GSG1L: variants seen among roughly 807,000 people sequenced by gnomAD.
GSG1L encodes the protein GSG1 like, also known as germ cell-specific gene 1-like protein.
A neutral mutation model predicts 42.1 loss-of-function variants in GSG1L; 24 were observed. The observed-to-expected ratio is 0.57, with a 90% CI of 0.41 to 0.80. The LOEUF is 0.80. Among genes scored for constraint, GSG1L ranks in the 30% least tolerant of loss-of-function variants. The probability of loss-of-function intolerance (pLI) is 0.00; values close to 1 mark genes in which losing one functional copy is unlikely to be tolerated. For synonymous variants in GSG1L, 215 were observed against 203.5 expected, an observed-to-expected ratio of 1.06 and a Z score of -0.48; for missense variants, 445 against 472.2, an observed-to-expected ratio of 0.94 and a Z score of 0.53.
At position 27,856,157 on chromosome 16, in the gene GSG1L, A is replaced by AC. The variant is rs148185745; in HGVS notation, c.551-11097dup. Among the ~76,000 whole-genome samples the AC allele has an allele frequency of 5.0e-3, 736 of 148,508 alleles. 5 individuals carry two copies. Among genetic ancestry groups the AC allele is most frequent in the East Asian group, 0.019 (95 of 5,070 alleles). ...GATCTACCAGATGCCAGGAATGTGC[A>AC]CCCCCCCCCATCCCCACATACCCCA... is the stretch of plus-strand genomic sequence containing the variant. On this transcript the variant is annotated intron_variant, in intron 3 of 6. Transcript: ENST00000447459.
chr16:27,823,516 C>T (rs2083171811), intron 5 of GSG1L, among the ~76,000 whole-genome samples: 2 of 152,050 alleles, frequency 1.3e-5, no homozygotes, highest in South Asian at 2.1e-4. Context: ...CATCAGCCCC[C>T]GCAGGGCACT....
intron 1 of GSG1L, among the ~76,000 whole-genome samples, chr16:28,034,703 G>T (rs1008925261): frequency 2.0e-5 from 3 of 152,142 alleles, no homozygotes; most frequent in African/African-American, 7.2e-5. Flanking sequence ...TGGACATTCA[G>T]GGCTGGATCA....
chr16:28,001,560 C>A (rs991939715), intron 1 of GSG1L, among the ~76,000 whole-genome samples: 1 of 152,200 alleles, frequency 6.6e-6, no homozygotes, highest in African/African-American at 2.4e-5. Context: ...TTCACCCACA[C>A]GTGAAATCGT....
chr16:27,958,797 C>T (rs1184136412), intron 2 of GSG1L, among the ~76,000 whole-genome samples: 2 of 152,116 alleles, frequency 1.3e-5, no homozygotes, highest in East Asian at 3.9e-4. Context: ...GCCTCAGCCT[C>T]CCAAGTAGCT....
chr16:27,946,567 AAGAAAGAAAGAAAGAGAGAGAGAGAG>A (rs1567529668), intron 2 of GSG1L, among the ~76,000 whole-genome samples: 2 of 9,830 alleles, frequency 2.0e-4, no homozygotes, highest in African/African-American at 4.7e-4. Flanking sequence ...GAAAGAAAGA[AAGAAAGAAAGAAAGAGAGAGAGAGAG>A]AGAGAGAGAG....
intron 5 of GSG1L, among the ~76,000 whole-genome samples, chr16:27,817,708 AAATG>A (rs2083112035): frequency 6.6e-6 from 1 of 152,228 alleles, no homozygotes. Context: ...TAAAAAATGA[AAATG>A]AAATGAAAAA....
At chr16:27,848,409 AC>A (rs1298016144) in intron 3 of GSG1L, among the ~76,000 whole-genome samples, 2 of 152,208 alleles carry the variant, frequency 1.3e-5, no homozygotes, top group South Asian at 2.1e-4. Context: ...ATGAGCTAGG[AC>A]AGGACCAGAC....
chr16:27,949,145 G>T (rs548943360), intron 2 of GSG1L, among the ~76,000 whole-genome samples: 25 of 150,896 alleles, frequency 1.7e-4, no homozygotes, highest in Non-Finnish European at 3.2e-4. Context: ...TCTAACTCCG[G>T]GGCTCAAGCA....
At position 27,925,368 on chromosome 16, in the gene GSG1L, G is replaced by A. The variant is rs150126268; in HGVS notation, c.397+37788C>T. On this transcript the variant is annotated intron_variant, in intron 2 of 6. Transcript: ENST00000447459. ...TTTTCCAGGAAGAATGAGTGTCCCCGGAAGGCTGTGGTGTCAGGTGGTGGG... is the reference window on the plus strand; with the variant it reads ...TTTTCCAGGAAGAATGAGTGTCCCCAGAAGGCTGTGGTGTCAGGTGGTGGG... 2.6e-3 allele frequency among the ~76,000 whole-genome samples: 396 copies of A among 152,200 alleles called. 2 individuals are homozygous for A. The highest frequency in any genetic ancestry group is 4.1e-3 in the Non-Finnish European group (281 of 68,006).
At chr16:28,055,879 C>G (rs1242908244) in intron 1 of GSG1L, among the ~76,000 whole-genome samples, 1 of 152,154 alleles carries the variant, frequency 6.6e-6, no homozygotes, top group African/African-American at 2.4e-5. Flanking sequence ...TTGCAGCATC[C>G]TCACAAGACA....
intron 1 of GSG1L, among the ~76,000 whole-genome samples, chr16:28,031,565 G>A (rs2085964387): frequency 6.6e-6 from 1 of 152,148 alleles, no homozygotes; most frequent in African/African-American, 2.4e-5. Flanking sequence ...CCAAAGCAGG[G>A]TGTCCAAGAG....
chr16:28,063,223 C>T lies in GSG1L; in HGVS notation c.202G>A (p.Ala68Thr). The change falls in exon 1 of 7, where the codon GCC becomes ACC. Residue 68 changes from alanine (A) to threonine (T), a missense_variant. Physicochemically the swap from Ala to Thr is moderately conservative, Grantham distance 58. Coordinates refer to ENST00000447459, the MANE Select transcript of GSG1L (RefSeq NM_001109763.2). This position sits in a 1 kb window ranked among gnomAD's most constrained non-coding sequence, Gnocchi z 5.8. ...GCGGTGGCGGCGGCGGCGGCGGCGG[C>T]GGGGGCGGCGGTGCCGTTGGCCGTG... ...NATANGTAAP[A>T]AAAAAATASG... 8.1e-7 allele frequency: 1 copy of T among 1,241,054 alleles called. No individual in the cohort carries two copies. Among genetic ancestry groups the T allele is most frequent in the South Asian group, 3.1e-5 (1 of 31,882 alleles). 76.9% of individuals were successfully genotyped at this position (1,241,054 alleles called of 1,614,324 possible). A position where few individuals can be genotyped will look rare whatever the true frequency, so the allele number is the denominator to read the frequency against.
chr16:27,898,296 T>C (rs969697450), intron 2 of GSG1L, among the ~76,000 whole-genome samples: 1 of 152,118 alleles, frequency 6.6e-6, no homozygotes, highest in Non-Finnish European at 1.5e-5. Flanking sequence ...AGGAACCTGG[T>C]GGGAAGAACT....
chr16:27,821,001 C>T (rs2140957663), intron 5 of GSG1L, among the ~76,000 whole-genome samples: 1 of 152,300 alleles, frequency 6.6e-6, no homozygotes, highest in East Asian at 1.9e-4. Flanking sequence ...TCCTCACCCA[C>T]TGCCGATCTG....
intron 1 of GSG1L, among the ~76,000 whole-genome samples, chr16:28,005,852 TA>T (rs750808694): frequency 1.4e-4 from 22 of 152,344 alleles, no homozygotes; most frequent in Non-Finnish European, 2.9e-4. Context: ...AACAGCCCCC[TA>T]AAACGTCCAC....
chr16:28,012,445 T>C (rs1396218934), intron 1 of GSG1L, among the ~76,000 whole-genome samples: 2 of 152,134 alleles, frequency 1.3e-5, no homozygotes, highest in East Asian at 3.8e-4. Context: ...GGTGACAATA[T>C]TGATTAAATA....
chr16:27,874,454 T>TTTTTTTTTTTC (rs2083860915), intron 3 of GSG1L, among the ~76,000 whole-genome samples: 1 of 58,276 alleles, frequency 1.7e-5, no homozygotes, highest in Non-Finnish European at 3.4e-5. Flanking sequence ...TTTTTTTTTT[T>TTTTTTTTTTTC]TTTTTTTTTT....
At chr16:27,959,852 A>C (rs2085049703) in intron 2 of GSG1L, among the ~76,000 whole-genome samples, 1 of 152,202 alleles carries the variant, frequency 6.6e-6, no homozygotes, top group Admixed American at 6.5e-5. Flanking sequence ...GTAACCACTT[A>C]CAAGATTGTG....
At chr16:28,014,134 G>A (rs2085754586) in intron 1 of GSG1L, among the ~76,000 whole-genome samples, 1 of 152,234 alleles carries the variant, frequency 6.6e-6, no homozygotes, top group Admixed American at 6.5e-5. Context: ...GCCTGAGAAA[G>A]GGACAGGGAC....
Sources: gnomAD v4.1 joint callset for allele counts (sites outside exome capture counted in the v4.1 genomes callset) on GRCh38, gnomAD v4.1.1 for gene constraint, Gnocchi (gnomAD v3.1) non-coding constraint, MANE v1.5 for transcripts, NCBI Gene and HGNC (gene_info 2026-07-23, HGNC 2026-07-21) for gene names.